The following ZBTB46 variants were observed in gnomAD, a reference collection of about 807,000 sequenced individuals.
ZBTB46 encodes zinc finger and BTB domain containing 46.
Under a neutral mutation model 44.1 loss-of-function variants are expected in ZBTB46, and 8 were observed. The observed-to-expected ratio is 0.18, with a 90% CI of 0.11 to 0.33. The LOEUF is 0.33. Among genes scored for constraint, ZBTB46 ranks in the 10% least tolerant of loss-of-function variants. The probability of loss-of-function intolerance (pLI) is 1.00; values close to 1 mark genes in which losing one functional copy is unlikely to be tolerated. For missense variants in ZBTB46, 651 were observed against 847.7 expected (o/e 0.77, Z 2.88); for synonymous variants, 409 against 382.3 (o/e 1.07, Z -0.81).
At chr20:63,824,754 TCCC>T (rs1296790812) in intron 1 of ZBTB46, among the ~76,000 whole-genome samples, 1 of 24,904 alleles carries the variant, frequency 4.0e-5, no homozygotes, top group African/African-American at 1.5e-4. Flanking sequence ...AAACCCTCCC[TCCC>T]CCATCTTCCC....
intron 1 of ZBTB46, among the ~76,000 whole-genome samples, chr20:63,812,769 C>T (rs373775331): frequency 1.3e-5 from 2 of 152,084 alleles, no homozygotes; most frequent in African/African-American, 4.8e-5. Context: ...CAGAGCCAGA[C>T]TCCATCTCAA....
chr20:63,795,784 CT>C (rs2092598984), intron 1 of ZBTB46, among the ~76,000 whole-genome samples: 1 of 152,226 alleles, frequency 6.6e-6, no homozygotes. Flanking sequence ...TTCTATCCTC[CT>C]CCTCCCTGGG....
At chr20:63,816,053 TGCGGTGGGC>T in intron 1 of ZBTB46, among the ~76,000 whole-genome samples, 1 of 144,640 alleles carries the variant, frequency 6.9e-6, no homozygotes. Context: ...TGGGTGCAGG[TGCGGTGGGC>T]GCAGGTGCAG....
Position 63,752,711 on chromosome 20 carries a change from C to T in ZBTB46, c.1373G>A (p.Arg458His), listed in dbSNP as rs2092181227. Residue 458 changes from arginine to histidine, a missense_variant, in exon 4 of 5, where the codon CGC (arginine) becomes CAC (histidine). This residue lies in a region of ZBTB46 where 20 missense variants were observed against 67.7 expected (regional missense o/e 0.30). Transcript: ENST00000245663. The surrounding 1 kb of genome is among the most constrained non-coding windows in gnomAD (Gnocchi z 5.6). ...CEICGKKFTR[R>H]EHMKRHTLVH... is the part of the protein sequence containing the mutation. ...CAGCGTGTGGCGCTTCATGTGCTCG[C>T]GCCGCGTGAACTTCTTCCCGCAGAT... 1 of 1,600,674 alleles carries T rather than the reference C, an allele frequency of 6.2e-7. No homozygotes were observed. The highest frequency in any genetic ancestry group is 1.3e-5 in the African/African-American group (1 of 74,788).
rs2092074305 is a variant in ZBTB46, at chr20:63,744,941, A to G, written c.*1989T>C. 1 of 152,440 alleles carries G rather than the reference A, an allele frequency of 6.6e-6. No individual in the cohort carries two copies. The highest frequency in any genetic ancestry group is 2.1e-4 in the South Asian group (1 of 4,834). The allele number at this position is 152,440 out of a possible 1,614,324, so 9.4% of individuals were successfully genotyped here. A position where few individuals can be genotyped will look rare whatever the true frequency, so the allele number is the denominator to read the frequency against. On this transcript the variant is annotated 3_prime_UTR_variant, in exon 5 of 5. Transcript: ENST00000245663. ...AACCCAGAGACATTGGTGGGTAGCA[A>G]AGGTCTGGTTTCCAAATGCATTTTG...
chr20:63,784,700 T>G (rs566426316), intron 2 of ZBTB46, among the ~76,000 whole-genome samples: 5 of 152,350 alleles, frequency 3.3e-5, no homozygotes, highest in African/African-American at 1.2e-4. Flanking sequence ...AATCTGAACA[T>G]TTTAATGCTA....
rs1238665274 is a variant in ZBTB46 at position 63,767,936 on chromosome 20, G to A, written c.1222+7742C>T. On this transcript the variant is annotated intron_variant, in intron 3 of 4. Coordinates refer to ENST00000245663, the MANE Select transcript of ZBTB46 (RefSeq NM_001369741.1). The surrounding 1 kb of genome is among the most constrained non-coding windows in gnomAD (Gnocchi z 5.0). ...CTCATGCCAGCGGGAGCCAACTCTG[G>A]AAGAGGACTGCTCCGCCCAGCTCTC... 2.0e-6 allele frequency: 2 copies of A among 985,338 alleles called. No individual in the cohort carries two copies. Among genetic ancestry groups the A allele is most frequent in the African/African-American group, 3.5e-5 (2 of 57,252 alleles). 61.0% of individuals were successfully genotyped at this position (985,338 alleles called of 1,614,324 possible). A position where few individuals can be genotyped will look rare whatever the true frequency, so the allele number is the denominator to read the frequency against.
intron 1 of ZBTB46, among the ~76,000 whole-genome samples, chr20:63,815,563 G>C (rs1479202063): frequency 7.8e-6 from 1 of 128,814 alleles, no homozygotes; most frequent in South Asian, 2.6e-4. Context: ...AGTGGGTGCA[G>C]ATGGGCACAG....
chr20:63,757,057 A>G (rs981315871), intron 3 of ZBTB46, among the ~76,000 whole-genome samples: 3 of 152,116 alleles, frequency 2.0e-5, no homozygotes, highest in Admixed American at 6.5e-5. Flanking sequence ...GATATTGCCA[A>G]TTTTCCAAAG....
At chr20:63,799,904 G>A (rs931351643) in intron 1 of ZBTB46, among the ~76,000 whole-genome samples, 3 of 152,168 alleles carry the variant, frequency 2.0e-5, no homozygotes, top group Non-Finnish European at 4.4e-5. Context: ...AAACAGTTCA[G>A]CAAAGCTGAA....
upstream of ZBTB46, among the ~76,000 whole-genome samples, chr20:63,831,448 T>G (rs1327106890): frequency 1.4e-5 from 2 of 141,266 alleles, no homozygotes; most frequent in Admixed American, 6.9e-5. Flanking sequence ...CGCCCCTCGC[T>G]CGGCTCCCGG....
chr20:63,824,118 C>G (rs2092807779), intron 1 of ZBTB46, among the ~76,000 whole-genome samples: 1 of 152,044 alleles, frequency 6.6e-6, no homozygotes, highest in African/African-American at 2.4e-5. Context: ...ACACGTCCCA[C>G]CTAAGCATCA....
At chr20:63,761,084 C>T (rs1024173233) in intron 3 of ZBTB46, among the ~76,000 whole-genome samples, 3 of 148,366 alleles carry the variant, frequency 2.0e-5, no homozygotes, top group Non-Finnish European at 3.0e-5. Flanking sequence ...CTGCAACCTC[C>T]GCCTCCCAGG....
At chr20:63,762,610 C>T (rs1319911682) in intron 3 of ZBTB46, among the ~76,000 whole-genome samples, 2 of 151,754 alleles carry the variant, frequency 1.3e-5, no homozygotes, top group South Asian at 2.1e-4. Context: ...GCCGAGATCG[C>T]GCCACTGCAC....
intron 1 of ZBTB46, among the ~76,000 whole-genome samples, chr20:63,822,154 G>C (rs561100872): frequency 6.6e-6 from 1 of 152,152 alleles, no homozygotes; most frequent in South Asian, 2.1e-4. Flanking sequence ...AAGCGGAACC[G>C]ATACACTCCC....
chr20:63,780,253 A>G (rs1312478735), intron 2 of ZBTB46, among the ~76,000 whole-genome samples: 4 of 151,828 alleles, frequency 2.6e-5, no homozygotes, highest in Non-Finnish European at 5.9e-5. Flanking sequence ...CCTGGGCAAC[A>G]AGAGTGAAAC....
At chr20:63,771,759 C>G (rs1171890798) in intron 3 of ZBTB46, among the ~76,000 whole-genome samples, 2 of 152,216 alleles carry the variant, frequency 1.3e-5, no homozygotes, top group African/African-American at 2.4e-5. Context: ...TGAGGGAGGA[C>G]CACAGAACTT....
At chr20:63,770,026 G>A (rs1028735359) in intron 3 of ZBTB46, among the ~76,000 whole-genome samples, 1 of 152,178 alleles carries the variant, frequency 6.6e-6, no homozygotes, top group Non-Finnish European at 1.5e-5. Flanking sequence ...AGGCGGCACC[G>A]CACCGCCATG....
At chr20:63,817,096 ACTCAGT>A (rs1238281425) in intron 1 of ZBTB46, among the ~76,000 whole-genome samples, 2 of 149,962 alleles carry the variant, frequency 1.3e-5, no homozygotes, top group Non-Finnish European at 3.0e-5. Context: ...CAAGAGCGAA[ACTCAGT>A]CTCAAAAAAA....
Sources: gnomAD v4.1 joint callset for allele counts (sites outside exome capture counted in the v4.1 genomes callset) on GRCh38, gnomAD v4.1.1 for gene constraint, gnomAD v4.1.1 regional missense constraint, Gnocchi (gnomAD v3.1) non-coding constraint, MANE v1.5 for transcripts, NCBI Gene and HGNC (gene_info 2026-07-23, HGNC 2026-07-21) for gene names.